The following SEMA6D variants were observed in gnomAD, a reference collection of about 807,000 sequenced individuals.
The protein encoded by SEMA6D is semaphorin 6D, also known as semaphorin-6D.
SEMA6D carries 35 observed loss-of-function variants against 106.6 expected under a neutral mutation model. The ratio of observed to expected loss-of-function variants is 0.33; its 90% CI spans 0.25 to 0.44. The LOEUF (loss-of-function observed/expected upper bound fraction) is 0.44. Ranked by LOEUF, SEMA6D falls within the 20% of genes least tolerant of loss-of-function variation. The pLI is 1.00. For missense variants in SEMA6D, 1,185 were observed against 1,345.9 expected (o/e 0.88, Z 1.87); for synonymous variants, 499 against 487.7 (o/e 1.02, Z -0.31).
At chr15:47,476,150 G>A (rs183916163) in intron 3 of SEMA6D, among the ~76,000 whole-genome samples, 101 of 152,298 alleles carry the variant, frequency 6.6e-4, no homozygotes, top group African/African-American at 2.1e-3. Context: ...CTGTATTTGA[G>A]GTGCTGGCAC....
intron 1 of SEMA6D, among the ~76,000 whole-genome samples, chr15:47,319,964 G>A (rs891874976): frequency 1.3e-5 from 2 of 152,026 alleles, no homozygotes; most frequent in Non-Finnish European, 2.9e-5. Flanking sequence ...CTTTCCACCT[G>A]TGAGTCTCTA....
At chr15:47,770,441 TTTA>T in intron 18 of SEMA6D, 53 bp from the exon 19 acceptor site, 1 of 1,421,886 alleles carries the variant, frequency 7.0e-7, no homozygotes, top group Non-Finnish European at 9.6e-7. Context: ...CCATTTGCTA[TTTA>T]TTATTATTTT....
intron 3 of SEMA6D, among the ~76,000 whole-genome samples, chr15:47,542,711 C>CCAATA (rs2045395269): frequency 6.6e-6 from 1 of 152,074 alleles, no homozygotes; most frequent in African/African-American, 2.4e-5. Flanking sequence ...CTAGTTACAG[C>CCAATA]CAATACTATA....
intron 3 of SEMA6D, among the ~76,000 whole-genome samples, chr15:47,487,719 T>A (rs758288608): frequency 5.3e-5 from 8 of 152,180 alleles, no homozygotes; most frequent in Non-Finnish European, 8.8e-5. Flanking sequence ...ATTTAGCTTG[T>A]CTCTAATTTT....
upstream of SEMA6D, among the ~76,000 whole-genome samples, chr15:47,713,529 GA>G (rs1021493897): frequency 6.6e-6 from 1 of 152,170 alleles, no homozygotes; most frequent in African/African-American, 2.4e-5. Context: ...GGAGAGCTTA[GA>G]TTAGTTTTGA....
intron 2 of SEMA6D, among the ~76,000 whole-genome samples, chr15:47,450,150 C>G (rs1305819287): frequency 6.6e-6 from 1 of 152,110 alleles, no homozygotes; most frequent in Non-Finnish European, 1.5e-5. Flanking sequence ...AAGGTGGGCT[C>G]ACATTAAATG....
intron 4 of SEMA6D, among the ~76,000 whole-genome samples, chr15:47,678,731 A>G (rs1031203717): frequency 2.0e-5 from 3 of 151,166 alleles, no homozygotes; most frequent in Non-Finnish European, 4.4e-5. Flanking sequence ...AGTCCTTTCT[A>G]TGTGTTGGGC....
chr15:47,710,854 A>C (rs2079002980), intron 4 of SEMA6D, among the ~76,000 whole-genome samples: 1 of 152,188 alleles, frequency 6.6e-6, no homozygotes, highest in African/African-American at 2.4e-5. Context: ...TTTCCTTAAA[A>C]ATATCAATTT....
At chr15:47,363,034 AATAATAATAATAAT>A (rs1333404674) in intron 1 of SEMA6D, among the ~76,000 whole-genome samples, 2 of 151,682 alleles carry the variant, frequency 1.3e-5, no homozygotes, top group African/African-American at 2.4e-5. Context: ...AAAGTCTCCA[AATAATAATAATAAT>A]ATAATAATAA....
chr15:47,762,455 G>T, intron 8 of SEMA6D, 136 bp downstream of exon 8: 1 of 966,084 alleles, frequency 1.0e-6, no homozygotes, highest in Non-Finnish European at 1.5e-6. Flanking sequence ...TGCTTTGATT[G>T]TGAACAGGAG....
intron 1 of SEMA6D, among the ~76,000 whole-genome samples, chr15:47,355,744 C>A (rs1595809698): frequency 6.6e-6 from 1 of 152,186 alleles, no homozygotes; most frequent in Admixed American, 6.5e-5. Context: ...GAACTGCTCT[C>A]TTAAATCTAG....
rs2082657748 is a variant in SEMA6D, at chr15:47,772,220, A to G, written c.*435A>G. The stretch of plus-strand genomic sequence containing the variant: ...CTCTTGCACAAATGTCAAAAAAAAG[A>G]TGGTAATATCTCAAAGAAATGAACT... On this transcript the variant is annotated 3_prime_UTR_variant, in exon 19 of 19. Coordinates refer to ENST00000536845, the MANE Select transcript of SEMA6D (RefSeq NM_001358351.3). The G allele has an allele frequency of 6.4e-6, 1 of 157,226 alleles. No individual in the cohort carries two copies. The highest frequency in any genetic ancestry group is 2.0e-4 in the South Asian group (1 of 4,938). The allele number at this position is 157,226 out of a possible 1,614,324, so 9.7% of individuals were successfully genotyped here.
intron 1 of SEMA6D, among the ~76,000 whole-genome samples, chr15:47,229,843 T>C (rs2032064772): frequency 6.6e-6 from 1 of 152,092 alleles, no homozygotes; most frequent in Non-Finnish European, 1.5e-5. Flanking sequence ...TGATAACATA[T>C]TATATTTTCA....
At chr15:47,279,756 A>G (rs1311543445) in intron 1 of SEMA6D, among the ~76,000 whole-genome samples, 1 of 151,980 alleles carries the variant, frequency 6.6e-6, no homozygotes, top group Non-Finnish European at 1.5e-5. Flanking sequence ...AATTTTGTCA[A>G]AGGCCTTTTC....
intron 1 of SEMA6D, among the ~76,000 whole-genome samples, chr15:47,292,670 A>G (rs535322804): frequency 7.9e-5 from 12 of 152,294 alleles, no homozygotes; most frequent in African/African-American, 2.9e-4. Context: ...AATAAACGTG[A>G]TAAGGGCAAA....
chr15:47,747,708 A>C (rs1016348221), intron 1 of SEMA6D, among the ~76,000 whole-genome samples: 7 of 152,170 alleles, frequency 4.6e-5, no homozygotes, highest in Admixed American at 4.6e-4. Context: ...CTTCTGTCAG[A>C]ATCCAGCATG....
chr15:47,296,861 T>C (rs1337287083), intron 1 of SEMA6D, among the ~76,000 whole-genome samples: 2 of 151,940 alleles, frequency 1.3e-5, no homozygotes, highest in African/African-American at 4.8e-5. Flanking sequence ...GTAAGGGGAG[T>C]TGGTAGGCAC....
intron 1 of SEMA6D, among the ~76,000 whole-genome samples, chr15:47,348,703 ACACACACACACACAC>A (rs1283150524): frequency 3.8e-5 from 4 of 105,914 alleles, no homozygotes; most frequent in South Asian, 6.9e-4. Context: ...ACACACACAC[ACACACACACACACAC>A]CACACACACA....
At chr15:47,389,960 T>C (rs281290) in intron 1 of SEMA6D, among the ~76,000 whole-genome samples, 14,341 of 152,266 alleles carry the variant, frequency 0.094, 1,529 homozygotes, top group African/African-American at 0.25. Context: ...TCATTTTCTA[T>C]CACTCCCTAC....
Sources: allele counts gnomAD v4.1 joint callset (sites outside exome capture counted in the v4.1 genomes callset), GRCh38; gene constraint gnomAD v4.1.1; transcripts MANE v1.5; gene names NCBI Gene and HGNC (gene_info 2026-07-23, HGNC 2026-07-21).